CSE1L: variants seen among roughly 807,000 people sequenced by gnomAD.
CSE1L encodes the protein exportin-2.
In CSE1L, 24 loss-of-function variants were observed where a neutral mutation model predicts 120.4. That is an observed-to-expected ratio of 0.20 (90% CI 0.14 to 0.28). CSE1L has a LOEUF of 0.28. Among genes scored for constraint, CSE1L ranks in the 10% least tolerant of loss-of-function variants. The probability of loss-of-function intolerance (pLI) is 1.00; values close to 1 mark genes in which losing one functional copy is unlikely to be tolerated. For synonymous variants in CSE1L, 402 were observed against 398.3 expected (o/e 1.01, Z -0.11); for missense variants, 830 against 1,145.2 (o/e 0.72, Z 3.97).
chr20:49,079,786 T>G (rs2091996790), intron 14 of CSE1L, among the ~76,000 whole-genome samples: 1 of 152,018 alleles, frequency 6.6e-6, no homozygotes, highest in Non-Finnish European at 1.5e-5. Flanking sequence ...GCATTTGGTC[T>G]AAAACAAATC....
chr20:49,074,176 A>T (rs1600611810), intron 10 of CSE1L, among the ~76,000 whole-genome samples: 1 of 115,424 alleles, frequency 8.7e-6, no homozygotes, highest in African/African-American at 3.2e-5. Context: ...ATACAACTGC[A>T]GTGTGTGTGT....
intron 5 of CSE1L, 60 bp downstream of exon 5, chr20:49,066,570 A>G (rs1304752160): frequency 2.1e-6 from 3 of 1,462,486 alleles, no homozygotes; most frequent in Non-Finnish European, 2.8e-6. Context: ...TGCTTGTGTA[A>G]ACAGTTGTGT....
rs936876276 is a variant in CSE1L, at chr20:49,066,463, C to T, written c.429C>T (p.Phe143=). 6.2e-7 allele frequency: 1 copy of T among 1,613,958 alleles called. No homozygotes were observed. The highest frequency in any genetic ancestry group is 1.3e-5 in the African/African-American group (1 of 74,922). The change falls in exon 5 of 25, where the codon TTC becomes TTT. Residue 143 remains phenylalanine, a synonymous_variant. Coordinates refer to ENST00000262982, the MANE Select transcript of CSE1L (RefSeq NM_001316.4). The part of the protein sequence containing the change: ...EMVNRFQSGD[F]HVINGVLRTA... The stretch of plus-strand genomic sequence containing the variant: ...TGAATCGCTTTCAGAGTGGAGATTT[C>T]CATGTTATTAATGGAGTCCTCCGTA...
chr20:49,058,612 A>G, intron 2 of CSE1L, 64 bp downstream of exon 2: 1 of 1,194,610 alleles, frequency 8.4e-7, no homozygotes, highest in Non-Finnish European at 1.2e-6. Context: ...AAACCTATGT[A>G]TTATCTGCCT....
At chr20:49,082,673 C>T (rs2145741724) in intron 14 of CSE1L, among the ~76,000 whole-genome samples, 1 of 152,204 alleles carries the variant, frequency 6.6e-6, no homozygotes, top group Non-Finnish European at 1.5e-5. Context: ...CTACCGCCAC[C>T]ATGCCCGGCT....
intron 14 of CSE1L, among the ~76,000 whole-genome samples, chr20:49,080,410 G>T (rs1368214692): frequency 6.6e-6 from 1 of 151,942 alleles, no homozygotes; most frequent in Non-Finnish European, 1.5e-5. Flanking sequence ...TGTTAAGACA[G>T]ATCAGTGGAT....
chr20:49,049,011 T>C (rs2091743746), intron 1 of CSE1L, among the ~76,000 whole-genome samples: 1 of 152,216 alleles, frequency 6.6e-6, no homozygotes, highest in African/African-American at 2.4e-5. Context: ...CCACCTGTAA[T>C]TGAGGGCCTG....
Position 49,071,101 on chromosome 20 carries a change from G to A in CSE1L, c.768+804G>A, listed in dbSNP as rs559711398. ...TTAATATATTTATGACCTTCTTTCC[G>A]AAGAGACAAAAGACAAAATATTAAA... On this transcript the variant is annotated intron_variant, in intron 8 of 24. Transcript: ENST00000262982. Among the ~76,000 whole-genome samples, 6 of 152,118 alleles carry A rather than the reference G, an allele frequency of 3.9e-5. No homozygotes were observed. The East Asian group carries it at 7.7e-4, about 20-fold the overall frequency.
chr20:49,072,426 A>G lies in CSE1L; in HGVS notation c.909A>G (p.Thr303=). ...CAGCCATCTGGAATTTACTAGTTACAACGGGTCAAGAGGTTAAATATGATT... is the reference window on the plus strand; with the variant it reads ...CAGCCATCTGGAATTTACTAGTTACGACGGGTCAAGAGGTTAAATATGATT... The part of the protein sequence containing the change: ...FVTAIWNLLV[T]TGQEVKYDLL... Residue 303 remains threonine, a synonymous_variant, in exon 9 of 25, where the codon ACA becomes ACG. Coordinates refer to ENST00000262982, the MANE Select transcript of CSE1L (RefSeq NM_001316.4). 6.2e-7 allele frequency: 1 copy of G among 1,614,222 alleles called. No homozygotes were observed. Among genetic ancestry groups the G allele is most frequent in the Non-Finnish European group, 8.5e-7 (1 of 1,180,040 alleles).
At chr20:49,055,125 G>A (rs1158142594) in intron 1 of CSE1L, among the ~76,000 whole-genome samples, 1 of 152,194 alleles carries the variant, frequency 6.6e-6, no homozygotes, top group Non-Finnish European at 1.5e-5. Context: ...AGTGGGGCTT[G>A]GGGTAGCACC....
chr20:49,084,379 C>T (rs1223872944), intron 15 of CSE1L, among the ~76,000 whole-genome samples: 1 of 152,052 alleles, frequency 6.6e-6, no homozygotes, highest in Non-Finnish European at 1.5e-5. Flanking sequence ...AGGAAAGTAA[C>T]TGAGATAAAG....
chr20:49,084,509 C>G (rs1392518262), intron 15 of CSE1L, among the ~76,000 whole-genome samples: 3 of 152,186 alleles, frequency 2.0e-5, no homozygotes, highest in Non-Finnish European at 4.4e-5. Context: ...AAAATTTTCA[C>G]AGGGTCTATG....
Position 49,094,252 on chromosome 20 carries a change from C to T in CSE1L, c.2560C>T (p.Pro854Ser), listed in dbSNP as rs1288475888. 2 of 1,612,970 alleles carry T rather than the reference C, an allele frequency of 1.2e-6. No homozygotes were observed. The highest frequency in any genetic ancestry group is 1.7e-6 in the Non-Finnish European group (2 of 1,179,510). ...CATAACCAAATTACTAACAGAATGT[C>T]CCCCAATGATGGACACTGAGTATAC... Reference protein sequence around the residue: ...VGITKLLTECPPMMDTEYTKL... With the variant: ...VGITKLLTECSPMMDTEYTKL... Residue 854 changes from proline to serine, a missense_variant, in exon 23 of 25, where the codon CCC becomes TCC. By Grantham distance (74) the Pro-to-Ser change is moderately conservative. Coordinates refer to ENST00000262982, the MANE Select transcript of CSE1L (RefSeq NM_001316.4).
intron 1 of CSE1L, among the ~76,000 whole-genome samples, chr20:49,051,943 G>T (rs753548125): frequency 6.6e-6 from 1 of 152,188 alleles, no homozygotes; most frequent in Non-Finnish European, 1.5e-5. Context: ...TGATCCTTCC[G>T]CCTCGGCCTT....
At chr20:49,054,547 A>G (rs2091792008) in intron 1 of CSE1L, among the ~76,000 whole-genome samples, 1 of 152,160 alleles carries the variant, frequency 6.6e-6, no homozygotes, top group Admixed American at 6.6e-5. Context: ...TTAACCATAT[A>G]TAGTTAATAT....
intron 2 of CSE1L, among the ~76,000 whole-genome samples, chr20:49,060,346 G>T (rs1337070979): frequency 6.6e-6 from 1 of 151,954 alleles, no homozygotes; most frequent in Admixed American, 6.6e-5. Context: ...GCTGGGCGTG[G>T]TGGTGCACGG....
intron 8 of CSE1L, among the ~76,000 whole-genome samples, chr20:49,070,664 T>G (rs1600606767): frequency 6.7e-6 from 1 of 150,010 alleles, no homozygotes; most frequent in Non-Finnish European, 1.5e-5. Context: ...GGCATGGTGG[T>G]TCACACCTGT....
chr20:49,066,204 C>T lies in CSE1L; in HGVS notation c.241C>T (p.Pro81Ser), dbSNP rs762589431. 1 of 1,614,090 alleles carries T rather than the reference C, an allele frequency of 6.2e-7. No individual in the cohort carries two copies. Among genetic ancestry groups the T allele is most frequent in the Admixed American group, 1.7e-5 (1 of 60,006 alleles). ...GCTTTGCTTTTAGGTTGAAGATGAA[C>T]CAAACAAAATTTGTGAAGCCGATCG... Reference protein sequence around the residue: ...KRNWRIVEDEPNKICEADRVA... With the variant: ...KRNWRIVEDESNKICEADRVA... The change falls in exon 4 of 25, where the codon CCA (proline) becomes TCA (serine). Residue 81 changes from proline (P) to serine (S), a missense_variant. Physicochemically the swap from Pro to Ser is moderately conservative, Grantham distance 74 (BLOSUM62 -1). This residue lies in a region of CSE1L where 543 missense variants were observed against 640.2 expected (regional missense o/e 0.85). Coordinates refer to ENST00000262982, the MANE Select transcript of CSE1L (RefSeq NM_001316.4).
intron 13 of CSE1L, among the ~76,000 whole-genome samples, chr20:49,077,438 G>T (rs1189153664): frequency 6.6e-6 from 1 of 152,148 alleles, no homozygotes; most frequent in African/African-American, 2.4e-5. Flanking sequence ...GGGATTGCAG[G>T]CGTGAGCCTC....
Sources: gnomAD v4.1 joint callset for allele counts (sites outside exome capture counted in the v4.1 genomes callset) on GRCh38, gnomAD v4.1.1 for gene constraint, gnomAD v4.1.1 regional missense constraint, MANE v1.5 for transcripts, NCBI Gene and HGNC (gene_info 2026-07-23, HGNC 2026-07-21) for gene names.